Variants in MYO18B observed in about 807,000 individuals in gnomAD.
The protein encoded by MYO18B is unconventional myosin-XVIIIb.
MYO18B carries 204 observed loss-of-function variants against 273.0 expected under a neutral mutation model. The ratio of observed to expected loss-of-function variants is 0.75; its 90% CI spans 0.67 to 0.84. MYO18B has a LOEUF of 0.84. Among genes scored for constraint, MYO18B ranks in the 40% least tolerant of loss-of-function variants. The probability of loss-of-function intolerance (pLI) is 0.00; values close to 1 mark genes in which losing one functional copy is unlikely to be tolerated. For missense variants in MYO18B, 3,212 were observed against 3,287.6 expected (o/e 0.98, Z 0.56); for synonymous variants, 1,330 against 1,305.7 (o/e 1.02, Z -0.40).
chr22:25,874,223 A>ACAC, intron 22 of MYO18B, 63 bp from the exon 23 acceptor site: 3 of 1,591,344 alleles, frequency 1.9e-6, no homozygotes, highest in Non-Finnish European at 2.6e-6. Context: ...ATTTGCAAGC[A>ACAC]CCCCCCCATT....
At chr22:25,835,272 A>G in intron 16 of MYO18B, 24 bp from the exon 17 acceptor site, 1 of 1,609,982 alleles carries the variant, frequency 6.2e-7, no homozygotes, top group Middle Eastern at 1.7e-4. Context: ...AGGGCCCTTC[A>G]GTGAATCCTG....
rs143722052 is a variant in MYO18B, at chr22:25,815,151, C to G, written c.2522-8354C>G. 5.6e-4 allele frequency among the ~76,000 whole-genome samples: 86 copies of G among 152,322 alleles called. No individual in the cohort carries two copies. In the East Asian group the frequency reaches 0.015, roughly 26 times the overall value. On this transcript the variant is annotated intron_variant, in intron 12 of 43. Coordinates refer to ENST00000335473, the MANE Select transcript of MYO18B (RefSeq NM_032608.7). ...GCTACTCTTGGGCTTCCCTTGGACC[C>G]AGGAAATAGCTTTAAAGGGGACAGT... is the stretch of plus-strand genomic sequence containing the variant.
chr22:25,788,419 G>A (rs999245322), intron 11 of MYO18B, among the ~76,000 whole-genome samples: 5 of 152,168 alleles, frequency 3.3e-5, no homozygotes, highest in African/African-American at 1.2e-4. Flanking sequence ...GATAAACATT[G>A]AATAATGTTT....
downstream of MYO18B, among the ~76,000 whole-genome samples, chr22:26,033,794 C>T (rs79155941): frequency 2.7e-5 from 3 of 109,678 alleles, no homozygotes; most frequent in African/African-American, 1.7e-4. Context: ...TTTTCTGTCT[C>T]TCCTTCCTTC....
chr22:25,857,294 C>T (rs150230176), intron 21 of MYO18B, among the ~76,000 whole-genome samples: 22 of 152,134 alleles, frequency 1.4e-4, no homozygotes, highest in African/African-American at 5.1e-4. Flanking sequence ...GTGAGGAAAC[C>T]CTTGGGCCTG....
At chr22:25,775,227 C>T (rs2086872111) in intron 7 of MYO18B, among the ~76,000 whole-genome samples, 2 of 152,192 alleles carry the variant, frequency 1.3e-5, no homozygotes, top group Admixed American at 1.3e-4. Flanking sequence ...CCCTCCTTTG[C>T]CTGCATTAGG....
At chr22:26,058,417 G>A in the MYO18B span, among the ~76,000 whole-genome samples, 994 of 152,256 alleles carry the variant, frequency 6.5e-3, 4 homozygotes, top group Non-Finnish European at 0.01. Context: ...AGCTGAGGGT[G>A]GAGGTGGAAG....
chr22:25,975,134 G>A (rs925320400), intron 39 of MYO18B, among the ~76,000 whole-genome samples: 5 of 152,168 alleles, frequency 3.3e-5, no homozygotes, highest in African/African-American at 4.8e-5. Context: ...CCCCAGCTGC[G>A]AAGTGAATTT....
intron 22 of MYO18B, among the ~76,000 whole-genome samples, chr22:25,870,868 G>C (rs1250088834): frequency 6.6e-6 from 1 of 152,174 alleles, no homozygotes; most frequent in African/African-American, 2.4e-5. Flanking sequence ...TCATAAATAT[G>C]AAAATCAGTG....
the MYO18B span, among the ~76,000 whole-genome samples, chr22:26,045,877 ACCACTGGG>A: frequency 6.6e-6 from 1 of 152,240 alleles, no homozygotes; most frequent in African/African-American, 2.4e-5. Flanking sequence ...ACCCGTGTAT[ACCACTGGG>A]CTTCTGTGAG....
chr22:25,779,254 C>T (rs1322058864), intron 8 of MYO18B, among the ~76,000 whole-genome samples: 2 of 151,884 alleles, frequency 1.3e-5, no homozygotes, highest in African/African-American at 4.8e-5. Context: ...AATAACAGTT[C>T]CACTTTTGGA....
At chr22:25,875,169 C>T (rs958905533) in intron 23 of MYO18B, among the ~76,000 whole-genome samples, 1 of 152,198 alleles carries the variant, frequency 6.6e-6, no homozygotes, top group Non-Finnish European at 1.5e-5. Flanking sequence ...CTTCTGTGCT[C>T]ATGTAGCTCA....
chr22:25,787,267 C>T (rs561208442), intron 11 of MYO18B, among the ~76,000 whole-genome samples: 40 of 56,360 alleles, frequency 7.1e-4, no homozygotes, highest in African/African-American at 1.9e-3. Flanking sequence ...TGCGTGCAGG[C>T]GCGCGCACAC....
the MYO18B span, among the ~76,000 whole-genome samples, chr22:26,040,338 C>A: frequency 6.6e-6 from 1 of 152,196 alleles, no homozygotes; most frequent in East Asian, 1.9e-4. Context: ...GGGCCCAATT[C>A]ATGGTTGATG....
At chr22:25,855,225 T>C (rs560244657) in intron 21 of MYO18B, among the ~76,000 whole-genome samples, 1 of 152,212 alleles carries the variant, frequency 6.6e-6, no homozygotes, top group South Asian at 2.1e-4. Context: ...CCTGCATTAG[T>C]TTGCTAAGGA....
chr22:25,818,873 T>C (rs2089156194), intron 12 of MYO18B, among the ~76,000 whole-genome samples: 2 of 152,090 alleles, frequency 1.3e-5, no homozygotes, highest in African/African-American at 4.8e-5. Flanking sequence ...GTTGGGGGTT[T>C]TAAGATTCCG....
At chr22:25,824,963 A>G (rs939903550) in intron 13 of MYO18B, among the ~76,000 whole-genome samples, 81 of 152,114 alleles carry the variant, frequency 5.3e-4, no homozygotes, top group African/African-American at 1.9e-3. Flanking sequence ...CTGCAAGCAT[A>G]CACAGCACAC....
rs1173700957 is a variant in MYO18B at position 25,835,289 on chromosome 22, C to T, written c.3061-7C>T. 1 of 1,612,748 alleles carries T rather than the reference C, an allele frequency of 6.2e-7. No homozygotes were observed. The highest frequency in any genetic ancestry group is 8.5e-7 in the Non-Finnish European group (1 of 1,179,380). ...GGCCCTTCAGTGAATCCTGGTTCTC[C>T]CAGCAGGTCCGCTTACCAGCTGGAG... is the stretch of plus-strand genomic sequence containing the variant. On this transcript the variant is annotated splice_region_variant and splice_polypyrimidine_tract_variant and intron_variant, in intron 16 of 43. Transcript: ENST00000335473.
At chr22:25,791,576 C>T (rs2087662773) in intron 11 of MYO18B, among the ~76,000 whole-genome samples, 1 of 152,178 alleles carries the variant, frequency 6.6e-6, no homozygotes, top group Admixed American at 6.6e-5. Flanking sequence ...TTTTCGTCTT[C>T]TCTATAATTT....
Sources: allele counts gnomAD v4.1 joint callset (sites outside exome capture counted in the v4.1 genomes callset), GRCh38; gene constraint gnomAD v4.1.1; transcripts MANE v1.5; gene names NCBI Gene and HGNC (gene_info 2026-07-23, HGNC 2026-07-21).